The following ULK2 variants were observed in gnomAD, a reference collection of about 807,000 sequenced individuals.
The protein encoded by ULK2 is unc-51 like autophagy activating kinase 2.
A neutral mutation model predicts 127.5 loss-of-function variants in ULK2; 76 were observed. The observed-to-expected ratio is 0.60, with a 90% CI of 0.50 to 0.72. The LOEUF is 0.72. Ranked by LOEUF, ULK2 falls within the 30% of genes least tolerant of loss-of-function variation. The pLI, the probability that ULK2 is intolerant of heterozygous loss-of-function variation, is 0.00. For missense variants in ULK2, 1,144 were observed against 1,295.9 expected, an observed-to-expected ratio of 0.88 and a Z score of 1.80; for synonymous variants, 452 against 461.9, an observed-to-expected ratio of 0.98 and a Z score of 0.28.
At chr17:19,802,053 T>A in intron 15 of ULK2, 131 bp from the exon 16 acceptor site, 1 of 1,003,444 alleles carries the variant, frequency 1.0e-6, no homozygotes, top group Non-Finnish European at 1.4e-6. Flanking sequence ...ATGGAACAAT[T>A]ATAAGATGCA....
intron 14 of ULK2, among the ~76,000 whole-genome samples, chr17:19,808,337 CAT>C: frequency 6.6e-6 from 1 of 152,178 alleles, no homozygotes; most frequent in African/African-American, 2.4e-5. Flanking sequence ...TAGACAAAAA[CAT>C]AGAGGGAAAG....
intron 12 of ULK2, among the ~76,000 whole-genome samples, chr17:19,818,789 TC>T: frequency 7.6e-6 from 1 of 131,836 alleles, no homozygotes; most frequent in African/African-American, 3.0e-5. Flanking sequence ...TCATTTCTTT[TC>T]TTTTTTCTTT....
chr17:19,779,869 G>GCA lies in ULK2; in HGVS notation c.2916+601_2916+602dup, dbSNP rs2086883285. Reference sequence around the variant, plus strand: ...ACAGATCCTGCTAATGCTTTTAGATGCACACTATAAAAAGATTAGATCGGC... The same window carrying GCA: ...ACAGATCCTGCTAATGCTTTTAGATGCACACACTATAAAAAGATTAGATCGGC... On this transcript the variant is annotated intron_variant, in intron 25 of 26. Transcript: ENST00000395544. 3.3e-5 allele frequency among the ~76,000 whole-genome samples: 5 copies of GCA among 152,096 alleles called. No individual in the cohort carries two copies. In the South Asian group the frequency reaches 1.0e-3, roughly 32 times the overall value.
In ULK2 at chr17:19,791,062, T is replaced by C. The variant is rs567568251; in HGVS notation, c.2101+4560A>G. On this transcript the variant is annotated intron_variant, in intron 20 of 26. Transcript: ENST00000395544. Reference sequence around the variant, plus strand: ...AGACCCCAATACAATAGCTGGAAACTTCAACGCTCCACTTTCACCCTTGGA... The same window carrying C: ...AGACCCCAATACAATAGCTGGAAACCTCAACGCTCCACTTTCACCCTTGGA... Among the ~76,000 whole-genome samples, 10 of 152,290 alleles carry C rather than the reference T, an allele frequency of 6.6e-5. No individual in the cohort carries two copies. The South Asian group carries it at 1.9e-3, about 28-fold the overall frequency.
chr17:19,819,221 T>C (rs1359410756), intron 12 of ULK2, among the ~76,000 whole-genome samples: 1 of 152,228 alleles, frequency 6.6e-6, no homozygotes, highest in Admixed American at 6.5e-5. Context: ...ATCAATAATT[T>C]CTATTGTCAA....
At chr17:19,838,321 A>G (rs912990887) in intron 10 of ULK2, among the ~76,000 whole-genome samples, 180 bp downstream of exon 10, 2 of 152,108 alleles carry the variant, frequency 1.3e-5, no homozygotes, top group Non-Finnish European at 2.9e-5. Flanking sequence ...TTATTACTCT[A>G]TCTCTCGTAC....
At chr17:19,818,123 C>T (rs879615561) in intron 12 of ULK2, among the ~76,000 whole-genome samples, 2 of 151,966 alleles carry the variant, frequency 1.3e-5, no homozygotes, top group South Asian at 2.1e-4. Context: ...GAGATCGAGA[C>T]CATCCTGGCT....
chr17:19,833,251 C>A (rs2041508572), intron 10 of ULK2, among the ~76,000 whole-genome samples: 1 of 151,798 alleles, frequency 6.6e-6, no homozygotes, highest in Admixed American at 6.6e-5. Flanking sequence ...GCAAGGCATG[C>A]AAAGCAACAA....
At chr17:19,842,190 C>CTTTTTTTTTTTTT (rs869294657) in intron 8 of ULK2, among the ~76,000 whole-genome samples, 2 of 88,396 alleles carry the variant, frequency 2.3e-5, no homozygotes, top group African/African-American at 4.3e-5. Flanking sequence ...TTTTCTTTTT[C>CTTTTTTTTTTTTT]TTTTTTTTTT....
intron 20 of ULK2, among the ~76,000 whole-genome samples, chr17:19,786,914 A>G (rs1018871931): frequency 6.6e-6 from 1 of 152,184 alleles, no homozygotes; most frequent in Non-Finnish European, 1.5e-5. Context: ...TTCTTCTGTT[A>G]ACTGATTTTA....
chr17:19,818,208 A>G (rs1483129995), intron 12 of ULK2, among the ~76,000 whole-genome samples: 1 of 151,992 alleles, frequency 6.6e-6, no homozygotes, highest in African/African-American at 2.4e-5. Flanking sequence ...CTGTAGTCCC[A>G]GCTACTCGGG....
chr17:19,799,626 A>T (rs2087353663), intron 16 of ULK2, 51 bp from the exon 17 acceptor site: 1 of 1,483,878 alleles, frequency 6.7e-7, no homozygotes, highest in African/African-American at 1.4e-5. Flanking sequence ...AATGATCAAA[A>T]ACCAATAAAA....
chr17:19,860,130 T>C (rs1191725870), intron 3 of ULK2, among the ~76,000 whole-genome samples: 4 of 151,434 alleles, frequency 2.6e-5, no homozygotes, highest in African/African-American at 4.9e-5. Context: ...AAACTAAGTA[T>C]AAATGTTTAG....
chr17:19,852,701 G>A (rs1388891581), intron 3 of ULK2, among the ~76,000 whole-genome samples: 4 of 149,976 alleles, frequency 2.7e-5, no homozygotes, highest in African/African-American at 9.8e-5. Flanking sequence ...CGCAATCTCA[G>A]CTCACTGCAA....
At chr17:19,814,436 A>ATTTTT (rs1567696524) in intron 13 of ULK2, among the ~76,000 whole-genome samples, 2 of 24,074 alleles carry the variant, frequency 8.3e-5, no homozygotes, top group African/African-American at 1.9e-4. Context: ...ATATATATAT[A>ATTTTT]TATTTTTTTT....
intron 3 of ULK2, among the ~76,000 whole-genome samples, chr17:19,857,167 G>A (rs2042151528): frequency 1.3e-5 from 2 of 151,402 alleles, no homozygotes; most frequent in Non-Finnish European, 2.9e-5. Context: ...TTAGCCAGGT[G>A]TGGTGGCGGG....
chr17:19,821,940 C>T (rs1055055474), intron 12 of ULK2, among the ~76,000 whole-genome samples: 1 of 151,342 alleles, frequency 6.6e-6, no homozygotes, highest in African/African-American at 2.4e-5. Flanking sequence ...CCCACCTTGG[C>T]CTTCCAAAGT....
chr17:19,825,631 A>C (rs913064297), intron 11 of ULK2, among the ~76,000 whole-genome samples: 1 of 151,816 alleles, frequency 6.6e-6, no homozygotes, highest in Admixed American at 6.6e-5. Flanking sequence ...AATCACTTGA[A>C]ACCAGGAAGC....
chr17:19,846,689 A>C, intron 6 of ULK2, 48 bp downstream of exon 6: 1 of 1,510,832 alleles, frequency 6.6e-7, no homozygotes, highest in Non-Finnish European at 8.8e-7. Context: ...TTGTCTAAAA[A>C]TAGTTTCAAA....
Sources: gnomAD v4.1 joint callset for allele counts (sites outside exome capture counted in the v4.1 genomes callset) on GRCh38, gnomAD v4.1.1 for gene constraint, MANE v1.5 for transcripts, NCBI Gene and HGNC (gene_info 2026-07-23, HGNC 2026-07-21) for gene names.